Variants in MDGA2 observed in about 807,000 individuals in gnomAD.
The protein encoded by MDGA2 is MAM domain-containing glycosylphosphatidylinositol anchor protein 2.
Under a neutral mutation model 117.8 loss-of-function variants are expected in MDGA2, and 40 were observed. That is an observed-to-expected ratio of 0.34 (90% CI 0.26 to 0.44). MDGA2 has a LOEUF of 0.44. Ranked by LOEUF, MDGA2 falls within the 20% of genes least tolerant of loss-of-function variation. The pLI, the probability that MDGA2 is intolerant of heterozygous loss-of-function variation, is 1.00. For missense variants in MDGA2, 1,123 were observed against 1,250.6 expected (o/e 0.90, Z 1.54); for synonymous variants, 452 against 439.0 (o/e 1.03, Z -0.37).
intron 9 of MDGA2, among the ~76,000 whole-genome samples, chr14:46,940,048 G>C (rs1884938118): frequency 6.6e-6 from 1 of 152,142 alleles, no homozygotes; most frequent in African/African-American, 2.4e-5. Flanking sequence ...GTATAGGCTA[G>C]TGGACTTTCT....
intron 12 of MDGA2, 134 bp downstream of exon 12, chr14:46,877,355 A>C (rs1882274020): frequency 4.2e-6 from 2 of 478,610 alleles, no homozygotes. Flanking sequence ...ATTTAATGCC[A>C]ATTTTACTGA....
intron 8 of MDGA2, among the ~76,000 whole-genome samples, chr14:47,016,161 CTT>C (rs1015683933): frequency 6.6e-6 from 1 of 151,976 alleles, no homozygotes; most frequent in Non-Finnish European, 1.5e-5. Context: ...GATTCCATCT[CTT>C]TTAGTTGATT....
chr14:47,153,064 G>A (rs935199991), intron 3 of MDGA2, among the ~76,000 whole-genome samples: 8 of 152,168 alleles, frequency 5.3e-5, no homozygotes, highest in African/African-American at 1.4e-4. Flanking sequence ...AATTTGGTAT[G>A]ATGTTTGAGA....
At chr14:46,959,005 T>G (rs1282653490) in intron 8 of MDGA2, among the ~76,000 whole-genome samples, 1 of 152,242 alleles carries the variant, frequency 6.6e-6, no homozygotes, top group African/African-American at 2.4e-5. Context: ...TTTATTCATT[T>G]ATTTTTTGCC....
At chr14:46,993,555 G>C (rs758857275) in intron 8 of MDGA2, among the ~76,000 whole-genome samples, 1 of 151,462 alleles carries the variant, frequency 6.6e-6, no homozygotes, top group Non-Finnish European at 1.5e-5. Flanking sequence ...TATGCCTCCC[G>C]AGTTCAAGAG....
intron 3 of MDGA2, among the ~76,000 whole-genome samples, chr14:47,149,160 G>A (rs969231694): frequency 6.6e-6 from 1 of 152,034 alleles, no homozygotes; most frequent in Admixed American, 6.6e-5. Flanking sequence ...CATGGTGGCA[G>A]GCACCTATAG....
At chr14:47,369,111 A>T (rs1477833619) in intron 1 of MDGA2, among the ~76,000 whole-genome samples, 9 of 152,132 alleles carry the variant, frequency 5.9e-5, no homozygotes, top group Admixed American at 1.3e-4. Context: ...ATAGATATCT[A>T]TTTACATACG....
In MDGA2 at chr14:47,108,712, C is replaced by T. The variant is rs558020816; in HGVS notation, c.926-11589G>A. Among the ~76,000 whole-genome samples, 18 of 152,310 alleles carry T rather than the reference C, an allele frequency of 1.2e-4. No homozygotes were observed. The South Asian group carries it at 3.3e-3, about 28-fold the overall frequency. On this transcript the variant is annotated intron_variant, in intron 5 of 16. Coordinates refer to ENST00000399232, the MANE Select transcript of MDGA2 (RefSeq NM_001113498.3). Reference sequence around the variant, plus strand: ...GCCTGCACCCAGGTGAAATAAACAGCCATGTTGCTCACACAAAGTCTGTTT... The same window carrying T: ...GCCTGCACCCAGGTGAAATAAACAGTCATGTTGCTCACACAAAGTCTGTTT...
chr14:47,421,483 A>C (rs939435041), intron 1 of MDGA2, among the ~76,000 whole-genome samples: 3 of 101,876 alleles, frequency 2.9e-5, no homozygotes, highest in Non-Finnish European at 4.3e-5. Flanking sequence ...TATGTGGACC[A>C]GCTGAAAAGC....
At chr14:47,212,447 G>A (rs1274247852) in intron 3 of MDGA2, among the ~76,000 whole-genome samples, 1 of 152,132 alleles carries the variant, frequency 6.6e-6, no homozygotes, top group Admixed American at 6.6e-5. Flanking sequence ...AACTATGCAA[G>A]TGCAGTTTTA....
At chr14:47,282,195 CCATT>C (rs1247693135) in intron 2 of MDGA2, among the ~76,000 whole-genome samples, 1 of 152,022 alleles carries the variant, frequency 6.6e-6, no homozygotes, top group Admixed American at 6.5e-5. Flanking sequence ...CTAAATGTGG[CCATT>C]CATTCTTTTT....
chr14:47,591,644 G>A (rs528684900), intron 1 of MDGA2, among the ~76,000 whole-genome samples: 3 of 151,946 alleles, frequency 2.0e-5, no homozygotes, highest in East Asian at 1.9e-4. Context: ...TTCAAAATAC[G>A]CAAATCAATA....
At chr14:47,069,905 T>G (rs1277830937) in intron 6 of MDGA2, among the ~76,000 whole-genome samples, 1 of 152,238 alleles carries the variant, frequency 6.6e-6, no homozygotes, top group Non-Finnish European at 1.5e-5. Flanking sequence ...GTAAATTATC[T>G]TAATTGCCTT....
chr14:47,236,264 C>G lies in MDGA2; in HGVS notation c.421-18069G>C, dbSNP rs184205129. On this transcript the variant is annotated intron_variant, in intron 2 of 16. Coordinates refer to ENST00000399232, the MANE Select transcript of MDGA2 (RefSeq NM_001113498.3). ...CGAGATTGGGCCACTGTACACCAGC[C>G]TGGGTGACAGAGCGAGACTCCGCCT... Among the ~76,000 whole-genome samples, 36 of 139,810 alleles carry G rather than the reference C, an allele frequency of 2.6e-4. No individual in the cohort carries two copies. The East Asian group carries it at 6.1e-3, about 24-fold the overall frequency. The allele number at this position is 139,810 out of a possible 152,430, so 91.7% of individuals were successfully genotyped here.
intron 3 of MDGA2, among the ~76,000 whole-genome samples, chr14:47,188,744 C>G (rs752038294): frequency 2.0e-5 from 3 of 151,968 alleles, no homozygotes; most frequent in Non-Finnish European, 4.4e-5. Flanking sequence ...AAAAATGAAA[C>G]AGTCTTGACA....
At chr14:47,663,636 A>T (rs752778619) in intron 1 of MDGA2, among the ~76,000 whole-genome samples, 19 of 152,218 alleles carry the variant, frequency 1.2e-4, no homozygotes, top group African/African-American at 2.7e-4. Context: ...ATTCTAATTT[A>T]AAAATGTTTT....
rs528529226 is a variant in MDGA2, at chr14:47,368,550, G to A, written c.281-67000C>T. On this transcript the variant is annotated intron_variant, in intron 1 of 16. Coordinates refer to ENST00000399232, the MANE Select transcript of MDGA2 (RefSeq NM_001113498.3). ...TCTTGTGCTTGCAAGGTTATGCTTT[G>A]CGGGGGCAAGAACATGAAATACTGC... 6.1e-4 allele frequency among the ~76,000 whole-genome samples: 93 copies of A among 152,234 alleles called. 1 individual carries two copies. The highest frequency in any genetic ancestry group is 2.1e-3 in the African/African-American group (88 of 41,564).
chr14:47,235,542 C>A (rs1010536137), intron 2 of MDGA2, among the ~76,000 whole-genome samples: 3 of 152,042 alleles, frequency 2.0e-5, no homozygotes, highest in Admixed American at 6.6e-5. Flanking sequence ...TTTAAAAAGA[C>A]CAGAGCCTGA....
intron 1 of MDGA2, among the ~76,000 whole-genome samples, chr14:47,315,330 C>T (rs147683784): frequency 6.6e-6 from 1 of 152,176 alleles, no homozygotes; most frequent in East Asian, 1.9e-4. Flanking sequence ...TTGTTTCTGG[C>T]CTTCAGAAAG....
Sources: allele counts gnomAD v4.1 joint callset (sites outside exome capture counted in the v4.1 genomes callset), GRCh38; gene constraint gnomAD v4.1.1; transcripts MANE v1.5; gene names NCBI Gene and HGNC (gene_info 2026-07-23, HGNC 2026-07-21).